NRXN1: variants seen among roughly 807,000 people sequenced by gnomAD.
NRXN1 encodes the protein neurexin 1, also known as neurexin-1.
Under a neutral mutation model 150.9 loss-of-function variants are expected in NRXN1, and 39 were observed. The observed-to-expected ratio is 0.26, with a 90% CI of 0.20 to 0.34. NRXN1 has a LOEUF of 0.34. Among genes scored for constraint, NRXN1 ranks in the 10% least tolerant of loss-of-function variants. The pLI is 1.00. For synonymous variants in NRXN1, 924 were observed against 757.0 expected (o/e 1.22, Z -3.62); for missense variants, 1,815 against 1,949.9 (o/e 0.93, Z 1.30).
chr2:50,554,237 T>C (rs1667912408), intron 8 of NRXN1, among the ~76,000 whole-genome samples: 1 of 152,124 alleles, frequency 6.6e-6, no homozygotes, highest in Non-Finnish European at 1.5e-5. Context: ...ATATAATATA[T>C]GTAACAGGAA....
intron 8 of NRXN1, among the ~76,000 whole-genome samples, chr2:50,610,971 C>A (rs1285643906): frequency 1.3e-5 from 2 of 149,296 alleles, no homozygotes; most frequent in East Asian, 4.0e-4. Flanking sequence ...GTCTTGAACT[C>A]CTGATTTCAA....
intron 5 of NRXN1, among the ~76,000 whole-genome samples, chr2:50,639,739 A>T (rs982541472): frequency 6.6e-6 from 1 of 152,144 alleles, no homozygotes; most frequent in Non-Finnish European, 1.5e-5. Context: ...AAACAATATT[A>T]TCATTTTTCT....
intron 5 of NRXN1, among the ~76,000 whole-genome samples, chr2:50,842,539 C>T (rs1673023593): frequency 6.6e-6 from 1 of 152,130 alleles, no homozygotes; most frequent in Admixed American, 6.5e-5. Context: ...ACAACAATGG[C>T]ATTCAGGGTG....
At chr2:50,736,386 A>G (rs1034472682) in intron 5 of NRXN1, among the ~76,000 whole-genome samples, 2 of 152,106 alleles carry the variant, frequency 1.3e-5, no homozygotes, top group Admixed American at 6.5e-5. Context: ...TCTTCCTGAC[A>G]TAGATGCAAT....
chr2:50,809,196 T>C (rs1022843717), intron 5 of NRXN1, among the ~76,000 whole-genome samples: 3 of 152,058 alleles, frequency 2.0e-5, no homozygotes, highest in African/African-American at 7.2e-5. Context: ...GAGCTAGGTG[T>C]AGCCTTGAGG....
At chr2:50,098,330 C>T (rs867952172) in intron 18 of NRXN1, among the ~76,000 whole-genome samples, 2 of 152,094 alleles carry the variant, frequency 1.3e-5, no homozygotes, top group South Asian at 2.1e-4. Context: ...CTCATACCCA[C>T]AAAAGAGTTG....
chr2:50,624,160 T>C (rs902915425), intron 5 of NRXN1, among the ~76,000 whole-genome samples: 2 of 152,134 alleles, frequency 1.3e-5, no homozygotes, highest in South Asian at 2.1e-4. Context: ...CCAACAATGA[T>C]AGACTGGATT....
chr2:50,836,773 C>T (rs9636437), intron 5 of NRXN1, among the ~76,000 whole-genome samples: 24,686 of 149,804 alleles, frequency 0.16, 2,153 homozygotes, highest in Middle Eastern at 0.2. Flanking sequence ...TACAAATTTG[C>T]GAACTCTTTA....
chr2:50,395,406 C>A (rs1163556273), intron 17 of NRXN1, among the ~76,000 whole-genome samples: 1 of 151,294 alleles, frequency 6.6e-6, no homozygotes, highest in Admixed American at 6.6e-5. Context: ...AAGCAGAAGA[C>A]ATTATAAAAA....
chr2:50,581,437 C>A (rs1023520145), intron 8 of NRXN1, among the ~76,000 whole-genome samples: 3 of 152,098 alleles, frequency 2.0e-5, no homozygotes, highest in African/African-American at 7.2e-5. Context: ...ATTAAACTGG[C>A]CATATTTCAC....
intron 5 of NRXN1, among the ~76,000 whole-genome samples, chr2:50,830,192 A>G (rs1559324617): frequency 6.6e-6 from 1 of 151,984 alleles, no homozygotes; most frequent in Admixed American, 6.6e-5. Context: ...CTACCAATAC[A>G]TACAGATTTG....
At chr2:50,459,360 A>G (rs921776226) in intron 17 of NRXN1, among the ~76,000 whole-genome samples, 1 of 152,150 alleles carries the variant, frequency 6.6e-6, no homozygotes, top group African/African-American at 2.4e-5. Context: ...AGTTTGTTAC[A>G]TAGGTAAACT....
At chr2:51,017,114 G>T (rs1228239150) in intron 2 of NRXN1, among the ~76,000 whole-genome samples, 2 of 151,546 alleles carry the variant, frequency 1.3e-5, no homozygotes, top group Non-Finnish European at 2.9e-5. Flanking sequence ...GGGGGTGGGG[G>T]TCTAGGGGAG....
intron 19 of NRXN1, among the ~76,000 whole-genome samples, chr2:50,081,541 ACTCTGCCT>A (rs1697968618): frequency 6.6e-6 from 1 of 152,172 alleles, no homozygotes; most frequent in Admixed American, 6.5e-5. Flanking sequence ...ATAGAGCAAG[ACTCTGCCT>A]CAAAAAACAA....
At chr2:50,633,697 A>T (rs1321292334) in intron 5 of NRXN1, among the ~76,000 whole-genome samples, 1 of 152,150 alleles carries the variant, frequency 6.6e-6, no homozygotes, top group Non-Finnish European at 1.5e-5. Flanking sequence ...ATTTCAACAC[A>T]GAAAGAGCAT....
chr2:49,977,560 T>G (rs1679199998), intron 21 of NRXN1, among the ~76,000 whole-genome samples: 4 of 152,194 alleles, frequency 2.6e-5, no homozygotes, highest in Admixed American at 2.6e-4. Context: ...AAGATTTAGA[T>G]GGAGAAGAGA....
intron 17 of NRXN1, among the ~76,000 whole-genome samples, chr2:50,341,627 T>C (rs913454021): frequency 3.3e-5 from 5 of 152,240 alleles, no homozygotes; most frequent in African/African-American, 1.2e-4. Context: ...CATTAATTAT[T>C]CATTATTAGT....
At chr2:50,469,383 T>A (rs1330229323) in intron 16 of NRXN1, among the ~76,000 whole-genome samples, 1 of 151,656 alleles carries the variant, frequency 6.6e-6, no homozygotes, top group Non-Finnish European at 1.5e-5. Flanking sequence ...AGATCAAAAG[T>A]TTTTTGTATG....
chr2:50,880,606 T>G (rs1293942598), intron 5 of NRXN1, among the ~76,000 whole-genome samples: 1 of 151,956 alleles, frequency 6.6e-6, no homozygotes, highest in African/African-American at 2.4e-5. Context: ...GTTCTTCATA[T>G]TCTAAATGAA....
Sources: gnomAD v4.1 joint callset for allele counts (sites outside exome capture counted in the v4.1 genomes callset) on GRCh38, gnomAD v4.1.1 for gene constraint, MANE v1.5 for transcripts, NCBI Gene and HGNC (gene_info 2026-07-23, HGNC 2026-07-21) for gene names.